The following COL28A1 variants were observed in gnomAD, a reference collection of about 807,000 sequenced individuals.
The protein encoded by COL28A1 is collagen type XXVIII alpha 1 chain.
In COL28A1, 161 loss-of-function variants were observed where a neutral mutation model predicts 150.2. That is an observed-to-expected ratio of 1.07 (90% CI 0.94 to 1.22). COL28A1 has a LOEUF of 1.22. COL28A1 is among the 50% of genes most tolerant of loss of function. The pLI, the probability that COL28A1 is intolerant of heterozygous loss-of-function variation, is 0.00. For synonymous variants in COL28A1, 552 were observed against 469.7 expected, an observed-to-expected ratio of 1.18 and a Z score of -2.26; for missense variants, 1,617 against 1,388.3, an observed-to-expected ratio of 1.16 and a Z score of -2.62.
chr7:7,371,420 A>G (rs1243629986), intron 32 of COL28A1, among the ~76,000 whole-genome samples: 4 of 152,262 alleles, frequency 2.6e-5, no homozygotes, highest in Non-Finnish European at 4.4e-5. Flanking sequence ...ACCCTAGGTT[A>G]GAAAGCTCTG....
At chr7:7,474,286 G>A (rs1361131063) in intron 15 of COL28A1, among the ~76,000 whole-genome samples, 13 of 151,884 alleles carry the variant, frequency 8.6e-5, no homozygotes, top group Non-Finnish European at 1.6e-4. Flanking sequence ...TTGAGGACTC[G>A]GGGCAAAAGG....
intron 8 of COL28A1, among the ~76,000 whole-genome samples, chr7:7,514,959 G>C (rs1781341461): frequency 6.6e-6 from 1 of 152,110 alleles, no homozygotes; most frequent in Admixed American, 6.5e-5. Context: ...TGAAGTCTTG[G>C]CTACCCAATG....
chr7:7,452,421 T>C, intron 17 of COL28A1, 34 bp from the exon 18 acceptor site: 1 of 1,572,320 alleles, frequency 6.4e-7, no homozygotes, highest in Non-Finnish European at 8.6e-7. Flanking sequence ...AGCAGCAAAG[T>C]GAAAATAATA....
At chr7:7,348,467 C>G in the COL28A1 span, among the ~76,000 whole-genome samples, 1 of 150,672 alleles carries the variant, frequency 6.6e-6, no homozygotes, top group Non-Finnish European at 1.5e-5. Context: ...AGCACACTCT[C>G]ACTCGCTCAC....
At chr7:7,438,632 T>G (rs1428980365) in intron 21 of COL28A1, among the ~76,000 whole-genome samples, 3 of 152,210 alleles carry the variant, frequency 2.0e-5, no homozygotes, top group Non-Finnish European at 4.4e-5. Context: ...ACAACTTGTC[T>G]CTATATTTTT....
At chr7:7,490,381 A>T (rs1046592827) in intron 12 of COL28A1, among the ~76,000 whole-genome samples, 197 bp downstream of exon 12, 2 of 152,218 alleles carry the variant, frequency 1.3e-5, no homozygotes, top group African/African-American at 4.8e-5. Flanking sequence ...CAACAAAATT[A>T]AAAAATACGT....
At chr7:7,413,077 A>C (rs1415046028) in intron 27 of COL28A1, among the ~76,000 whole-genome samples, 1 of 152,008 alleles carries the variant, frequency 6.6e-6, no homozygotes, top group Admixed American at 6.5e-5. Context: ...TCAGAGGTTG[A>C]TCTGTTAGGC....
intron 30 of COL28A1, among the ~76,000 whole-genome samples, chr7:7,377,191 A>AT (rs1239762581): frequency 6.6e-6 from 1 of 152,170 alleles, no homozygotes. Context: ...TTTGCAACAT[A>AT]TTTTGTGGCA....
At chr7:7,344,171 G>C in the COL28A1 span, among the ~76,000 whole-genome samples, 1 of 152,000 alleles carries the variant, frequency 6.6e-6, no homozygotes, top group Non-Finnish European at 1.5e-5. Context: ...TTATCTATAA[G>C]TTTGAATGTA....
chr7:7,415,426 G>GT (rs1784015664), intron 27 of COL28A1, among the ~76,000 whole-genome samples: 1 of 152,208 alleles, frequency 6.6e-6, no homozygotes, highest in Non-Finnish European at 1.5e-5. Context: ...AGTAATTGCG[G>GT]TTTTTGCCAC....
upstream of COL28A1, among the ~76,000 whole-genome samples, chr7:7,537,247 T>C (rs10226442): frequency 0.015 from 2,314 of 152,166 alleles, 60 homozygotes; most frequent in African/African-American, 0.052. Flanking sequence ...AGGGCACTCA[T>C]ACACCCACCC....
chr7:7,436,993 G>T (rs923177111), intron 22 of COL28A1, among the ~76,000 whole-genome samples: 2 of 152,154 alleles, frequency 1.3e-5, no homozygotes, highest in Admixed American at 1.3e-4. Flanking sequence ...AGACAAGATC[G>T]CAGCACTGCA....
In COL28A1 at chr7:7,501,707, A is replaced by G. The variant is rs923930104; in HGVS notation, c.1026+4307T>C. On this transcript the variant is annotated intron_variant, in intron 11 of 34. Transcript: ENST00000399429. ...ATTAAAGGCCTTTTTCAAGGGTCAC[A>G]TGTGATTGCAACCTGAGCCACCATG... is the stretch of plus-strand genomic sequence containing the variant. Among the ~76,000 whole-genome samples, 6 of 152,242 alleles carry G rather than the reference A, an allele frequency of 3.9e-5. No individual in the cohort carries two copies. In the South Asian group the frequency reaches 6.2e-4, roughly 16 times the overall value.
At chr7:7,364,965 T>G (rs1583219244) in intron 33 of COL28A1, among the ~76,000 whole-genome samples, 1 of 152,300 alleles carries the variant, frequency 6.6e-6, no homozygotes, top group East Asian at 1.9e-4. Context: ...GAGAAAGAGA[T>G]AAATTTGCAT....
intron 11 of COL28A1, among the ~76,000 whole-genome samples, chr7:7,493,849 A>AAC (rs3040237): frequency 0.11 from 17,222 of 150,636 alleles, 1,149 homozygotes; most frequent in African/African-American, 0.19. Flanking sequence ...AGCCCTTAGC[A>AAC]ACACACACAC....
intron 6 of COL28A1, among the ~76,000 whole-genome samples, chr7:7,519,317 T>C (rs2115186962): frequency 6.6e-6 from 1 of 152,312 alleles, no homozygotes; most frequent in Non-Finnish European, 1.5e-5. Context: ...TATGATTTAA[T>C]TACCTCCCAC....
intron 25 of COL28A1, chr7:7,431,307 T>C (rs1784955958): frequency 6.9e-6 from 2 of 288,948 alleles, no homozygotes; most frequent in South Asian, 3.2e-5. Flanking sequence ...TCTGGTGACA[T>C]GAAGTTAGGA....
chr7:7,380,554 A>C, intron 30 of COL28A1, 106 bp downstream of exon 30: 1 of 938,616 alleles, frequency 1.1e-6, no homozygotes, highest in South Asian at 1.5e-5. Context: ...TTTAAATAGA[A>C]ACTGGGATTC....
rs894111418 is a variant in COL28A1, at chr7:7,400,808, T to C, written c.2136+17051A>G. ...TCACTTCTTTCTTATCATTTTCTCT[T>C]TTTAAAATTTCTTATTTTAAAATCA... On this transcript the variant is annotated intron_variant, in intron 27 of 34. Transcript: ENST00000399429. 7.2e-5 allele frequency among the ~76,000 whole-genome samples: 11 copies of C among 152,332 alleles called. 1 individual carries two copies. The East Asian group carries it at 9.6e-4, about 13-fold the overall frequency.
Sources: gnomAD v4.1 joint callset for allele counts (sites outside exome capture counted in the v4.1 genomes callset) on GRCh38, gnomAD v4.1.1 for gene constraint, MANE v1.5 for transcripts, NCBI Gene and HGNC (gene_info 2026-07-23, HGNC 2026-07-21) for gene names.